Variants in CSGALNACT1 observed in about 807,000 individuals in gnomAD.
CSGALNACT1 encodes beta4GalNAcT-1.
Under a neutral mutation model 51.0 loss-of-function variants are expected in CSGALNACT1, and 52 were observed. The ratio of observed to expected loss-of-function variants is 1.02; its 90% CI spans 0.82 to 1.29. The LOEUF (loss-of-function observed/expected upper bound fraction) is 1.29. CSGALNACT1 is among the 50% of genes most tolerant of loss of function. CSGALNACT1 has a pLI of 0.00. For synonymous variants in CSGALNACT1, 341 were observed against 254.4 expected, an observed-to-expected ratio of 1.34 and a Z score of -3.24; for missense variants, 935 against 679.2, an observed-to-expected ratio of 1.38 and a Z score of -4.19.
At position 19,630,976 on chromosome 8, in the gene CSGALNACT1, A is replaced by G. The variant is rs139360650; in HGVS notation, c.-543-29111T>C. Among the ~76,000 whole-genome samples, 1,006 of 152,310 alleles carry G rather than the reference A, an allele frequency of 6.6e-3. 7 individuals carry two copies. The highest frequency in any genetic ancestry group is 0.011 in the Admixed American group (168 of 15,292). On this transcript the variant is annotated intron_variant, in intron 1 of 9. Coordinates refer to the CSGALNACT1 transcript ENST00000332246. ...AGCCAATATTGACATGTTATTAACTAAAGTCCATTGTTTTCATTGGAGCTC... is the reference window on the plus strand; with the variant it reads ...AGCCAATATTGACATGTTATTAACTGAAGTCCATTGTTTTCATTGGAGCTC...
chr8:19,750,622 T>A (rs1470651846), intron 1 of CSGALNACT1, among the ~76,000 whole-genome samples: 1 of 152,196 alleles, frequency 6.6e-6, no homozygotes, highest in African/African-American at 2.4e-5. Context: ...AGATGTTTAG[T>A]AATGGAACAA....
At chr8:19,573,703 C>CATACCA in intron 3 of CSGALNACT1, among the ~76,000 whole-genome samples, 1 of 152,266 alleles carries the variant, frequency 6.6e-6, no homozygotes, top group Admixed American at 6.5e-5. Context: ...CTCGGCCTCC[C>CATACCA]ATACCAATCT....
At chr8:19,497,425 C>T (rs2075683079) in intron 4 of CSGALNACT1, among the ~76,000 whole-genome samples, 1 of 152,106 alleles carries the variant, frequency 6.6e-6, no homozygotes. Flanking sequence ...ACCTCAAACC[C>T]AGCCCCCTCC....
intron 1 of CSGALNACT1, among the ~76,000 whole-genome samples, chr8:19,610,815 A>G (rs1471521531): frequency 6.6e-6 from 1 of 152,240 alleles, no homozygotes; most frequent in African/African-American, 2.4e-5. Context: ...GGATACGGAA[A>G]GCCCTCTGTC....
At chr8:19,689,935 A>G (rs1249780191) in intron 1 of CSGALNACT1, among the ~76,000 whole-genome samples, 1 of 152,202 alleles carries the variant, frequency 6.6e-6, no homozygotes, top group Non-Finnish European at 1.5e-5. Context: ...TTAAAAACCA[A>G]CCGCCAATGC....
chr8:19,592,355 A>G (rs1488996774), intron 2 of CSGALNACT1, among the ~76,000 whole-genome samples: 1 of 152,250 alleles, frequency 6.6e-6, no homozygotes, highest in Non-Finnish European at 1.5e-5. Context: ...GGAAAGGGCT[A>G]TGATGTATAC....
At chr8:19,414,162 A>AC (rs2056427188) in intron 8 of CSGALNACT1, among the ~76,000 whole-genome samples, 1 of 152,002 alleles carries the variant, frequency 6.6e-6, no homozygotes, top group African/African-American at 2.4e-5. Context: ...TTTCTCCTGC[A>AC]CCCCCTCTTC....
At chr8:19,572,597 A>C (rs1251593767) in intron 3 of CSGALNACT1, among the ~76,000 whole-genome samples, 2 of 152,182 alleles carry the variant, frequency 1.3e-5, no homozygotes, top group African/African-American at 2.4e-5. Flanking sequence ...CAACTACAAT[A>C]AATTATTCTA....
intron 5 of CSGALNACT1, among the ~76,000 whole-genome samples, chr8:19,445,572 A>G (rs1018579842): frequency 1.3e-5 from 2 of 152,188 alleles, no homozygotes; most frequent in Non-Finnish European, 2.9e-5. Flanking sequence ...CATTCATTCA[A>G]CAAACACTTG....
intron 1 of CSGALNACT1, among the ~76,000 whole-genome samples, chr8:19,749,747 G>C (rs1370785010): frequency 6.6e-6 from 1 of 152,182 alleles, no homozygotes; most frequent in Admixed American, 6.5e-5. Flanking sequence ...CCAGCTCAGA[G>C]GGGGTCAGGG....
intron 1 of CSGALNACT1, among the ~76,000 whole-genome samples, chr8:19,660,350 C>T (rs1319824694): frequency 2.0e-5 from 3 of 152,206 alleles, no homozygotes; most frequent in African/African-American, 7.2e-5. Flanking sequence ...AAGCAAATTA[C>T]TTAATCCCCC....
At chr8:19,670,714 T>C (rs1405677113) in intron 1 of CSGALNACT1, among the ~76,000 whole-genome samples, 1 of 150,536 alleles carries the variant, frequency 6.6e-6, no homozygotes, top group Non-Finnish European at 1.5e-5. Flanking sequence ...TGTCATTTGC[T>C]TGTAGAAAAA....
At chr8:19,410,019 T>C (rs2055322555) in intron 8 of CSGALNACT1, among the ~76,000 whole-genome samples, 1 of 152,234 alleles carries the variant, frequency 6.6e-6, no homozygotes. Context: ...GAAGGGCTGA[T>C]GAATCTTAAA....
chr8:19,570,621 G>C (rs557329350), intron 3 of CSGALNACT1, among the ~76,000 whole-genome samples: 11 of 152,284 alleles, frequency 7.2e-5, no homozygotes, highest in African/African-American at 1.9e-4. Context: ...ACATGTACAG[G>C]CCGGGTTTGG....
At chr8:19,741,711 A>G (rs898452480) in intron 1 of CSGALNACT1, among the ~76,000 whole-genome samples, 2 of 152,352 alleles carry the variant, frequency 1.3e-5, no homozygotes, top group East Asian at 3.9e-4. Flanking sequence ...AGTAATTGCC[A>G]AAGCAACTTT....
At chr8:19,516,223 G>A (rs2079504112) in intron 3 of CSGALNACT1, among the ~76,000 whole-genome samples, 1 of 152,062 alleles carries the variant, frequency 6.6e-6, no homozygotes, top group South Asian at 2.1e-4. Context: ...GATCCTATGA[G>A]CTACATCTTA....
At chr8:19,468,155 T>C (rs144917167) in intron 4 of CSGALNACT1, among the ~76,000 whole-genome samples, 149 of 134,998 alleles carry the variant, frequency 1.1e-3, no homozygotes, top group Middle Eastern at 7.2e-3. Flanking sequence ...TACTGGAGGG[T>C]CTGGACAGTT....
chr8:19,599,240 A>T (rs1419566006), intron 2 of CSGALNACT1, among the ~76,000 whole-genome samples: 1 of 152,072 alleles, frequency 6.6e-6, no homozygotes, highest in East Asian at 1.9e-4. Context: ...TGATAGGAGG[A>T]AAGCAATTAA....
At chr8:19,591,937 A>G (rs1302509358) in intron 2 of CSGALNACT1, among the ~76,000 whole-genome samples, 3 of 152,208 alleles carry the variant, frequency 2.0e-5, no homozygotes, top group Non-Finnish European at 2.9e-5. Context: ...AACACTGTCA[A>G]TGAGGAATAG....
Sources: gnomAD v4.1 joint callset for allele counts (sites outside exome capture counted in the v4.1 genomes callset) on GRCh38, gnomAD v4.1.1 for gene constraint, MANE v1.5 for transcripts, NCBI Gene and HGNC (gene_info 2026-07-23, HGNC 2026-07-21) for gene names.